Variants in CUX1 observed in about 807,000 individuals in gnomAD.
CUX1 encodes the protein cut like homeobox 1, also known as protein CASP.
CUX1 carries 31 observed loss-of-function variants against 158.8 expected under a neutral mutation model. The ratio of observed to expected loss-of-function variants is 0.20; its 90% CI spans 0.15 to 0.26. The LOEUF (loss-of-function observed/expected upper bound fraction) is 0.26, where lower values mean the gene tolerates loss of function less well. Among genes scored for constraint, CUX1 ranks in the 10% least tolerant of loss-of-function variants. The pLI is 1.00. For missense variants in CUX1, 1,589 were observed against 2,014.6 expected, an observed-to-expected ratio of 0.79 and a Z score of 4.04; for synonymous variants, 879 against 862.1, an observed-to-expected ratio of 1.02 and a Z score of -0.34.
At chr7:102,103,926 A>G (rs1322156592) in intron 5 of CUX1, among the ~76,000 whole-genome samples, 3 of 152,106 alleles carry the variant, frequency 2.0e-5, no homozygotes, top group African/African-American at 7.2e-5. Context: ...TGCACACACT[A>G]TTATGAACTA....
intron 10 of CUX1, among the ~76,000 whole-genome samples, chr7:102,171,162 A>T (rs1485232360): frequency 6.6e-6 from 1 of 152,108 alleles, no homozygotes; most frequent in African/African-American, 2.4e-5. Context: ...CTCTCTTTCA[A>T]TGCTGTATAG....
intron 3 of CUX1, among the ~76,000 whole-genome samples, chr7:102,058,019 C>G (rs1420660396): frequency 6.6e-6 from 1 of 152,086 alleles, no homozygotes. Flanking sequence ...TAACCACAAC[C>G]CTGATCAGTC....
At chr7:102,015,825 C>CT (rs1268409339) in intron 2 of CUX1, among the ~76,000 whole-genome samples, 1 of 151,582 alleles carries the variant, frequency 6.6e-6, no homozygotes, top group Non-Finnish European at 1.5e-5. Context: ...TTTTCTTTTT[C>CT]TTTTTTTGGA....
At chr7:102,045,662 T>C (rs1716305342) in intron 3 of CUX1, among the ~76,000 whole-genome samples, 1 of 152,286 alleles carries the variant, frequency 6.6e-6, no homozygotes, top group African/African-American at 2.4e-5. Flanking sequence ...GGAGGGCAAA[T>C]TGATTTCGGC....
chr7:102,119,030 G>A (rs1554492647), intron 8 of CUX1, among the ~76,000 whole-genome samples: 3 of 152,064 alleles, frequency 2.0e-5, no homozygotes, highest in South Asian at 4.2e-4. Flanking sequence ...GATTACAGGC[G>A]TGAGCCACTG....
At chr7:102,007,034 TC>T (rs1434205160) in intron 2 of CUX1, among the ~76,000 whole-genome samples, 1 of 152,218 alleles carries the variant, frequency 6.6e-6, no homozygotes, top group African/African-American at 2.4e-5. Flanking sequence ...GGATCTCTCA[TC>T]TTTGCTGCTG....
In CUX1 at chr7:102,257,455, G is replaced by T; in HGVS notation, c.*8413G>T. ...AATCCCGTGTATTCTGGAGATGTGA[G>T]AATTCACCCAAAATTCTTAAAACAT... On this transcript the variant is annotated 3_prime_UTR_variant, in exon 24 of 24. Coordinates refer to ENST00000292535, the MANE Select transcript of CUX1 (RefSeq NM_181552.4). The T allele has an allele frequency of 5.1e-6, 5 of 985,262 alleles. No homozygotes were observed. In the South Asian group the frequency reaches 2.3e-4, roughly 46 times the overall value. 61.0% of individuals were successfully genotyped at this position (985,262 alleles called of 1,614,324 possible).
At chr7:101,884,532 T>C (rs1800030477) in intron 1 of CUX1, among the ~76,000 whole-genome samples, 1 of 152,086 alleles carries the variant, frequency 6.6e-6, no homozygotes. Context: ...GTGAGGTGGG[T>C]GGGTGTTAAA....
chr7:102,107,522 CAA>C (rs1210474152), intron 6 of CUX1, among the ~76,000 whole-genome samples: 5 of 152,210 alleles, frequency 3.3e-5, no homozygotes, highest in African/African-American at 1.2e-4. Context: ...GCCTGGGCAA[CAA>C]GAGCAAAACT....
At position 101,926,755 on chromosome 7, in the gene CUX1, C is replaced by T. The variant is rs552860370; in HGVS notation, c.141+10530C>T. Among the ~76,000 whole-genome samples the T allele has an allele frequency of 2.0e-5, 3 of 152,240 alleles. No homozygotes were observed. In the South Asian group the frequency reaches 6.2e-4, roughly 32 times the overall value. On this transcript the variant is annotated intron_variant, in intron 2 of 23. Coordinates refer to ENST00000292535, the MANE Select transcript of CUX1 (RefSeq NM_181552.4). ...AAAAACTGTTCTAAGACTTGGTCCC[C>T]TTATGTATAAGCAGGAAGAATTGGT... is the stretch of plus-strand genomic sequence containing the variant.
At chr7:102,189,700 G>C in intron 11 of CUX1, 113 bp from the exon 12 acceptor site, 1 of 1,139,436 alleles carries the variant, frequency 8.8e-7, no homozygotes, top group Non-Finnish European at 1.3e-6. Flanking sequence ...CCATTCGCAA[G>C]GGCTGGCTTC....
intron 2 of CUX1, among the ~76,000 whole-genome samples, chr7:101,984,092 ATATATATATATATATATATAT>A (rs1813892767): frequency 1.0e-4 from 2 of 19,626 alleles, no homozygotes; most frequent in South Asian, 1.9e-3. Context: ...AAAAAAAAAT[ATATATATATATATATATATAT>A]ATATATATAT....
At position 102,201,787 on chromosome 7, in the gene CUX1, G is replaced by A. The variant is rs782483691; in HGVS notation, c.2490G>A (p.Pro830=). The A allele has an allele frequency of 2.5e-5, 41 of 1,612,622 alleles. No homozygotes were observed. The highest frequency in any genetic ancestry group is 1.8e-4 in the South Asian group (16 of 91,080). ...ACCACTGGTGGAGCGCGGTGCAGCC[G>A]GAGAGAAGAAATGCCGCCTCCTCCG... ...WKDHWWSAVQ[P]ERRNAASSEE... The change falls in exon 18 of 24, where the codon CCG becomes CCA. Residue 830 remains proline, a synonymous_variant. Transcript: ENST00000292535. The surrounding 1 kb of genome is among the most constrained non-coding windows in gnomAD (Gnocchi z 5.0).
At chr7:102,015,876 G>A (rs1056791723) in intron 2 of CUX1, among the ~76,000 whole-genome samples, 4 of 152,064 alleles carry the variant, frequency 2.6e-5, no homozygotes, top group Admixed American at 6.6e-5. Flanking sequence ...GTGTGGTGGC[G>A]CGATCACGAC....
Position 101,985,212 on chromosome 7 carries a change from G to A in CUX1, c.142-42886G>A, listed in dbSNP as rs370946278. Among the ~76,000 whole-genome samples, 12 of 152,258 alleles carry A rather than the reference G, an allele frequency of 7.9e-5. No individual in the cohort carries two copies. In the South Asian group the frequency reaches 1.0e-3, roughly 13 times the overall value. ...GTAACAAATTGCTATGTGTATACAC[G>A]CTATAGTCTTGGCTTTCAGATACTT... On this transcript the variant is annotated intron_variant, in intron 2 of 23. Transcript: ENST00000292535.
chr7:102,115,330 T>G, intron 8 of CUX1, 57 bp downstream of exon 8: 1 of 1,497,578 alleles, frequency 6.7e-7, no homozygotes, highest in South Asian at 1.2e-5. Flanking sequence ...TGATTTTGCT[T>G]GAGTAGGGCA....
At chr7:102,059,898 T>C (rs1309163798) in intron 3 of CUX1, among the ~76,000 whole-genome samples, 1 of 152,192 alleles carries the variant, frequency 6.6e-6, no homozygotes, top group African/African-American at 2.4e-5. Flanking sequence ...CCTGTGTTTA[T>C]TTCTAAATCA....
At chr7:101,891,251 C>T (rs1052023271) in intron 1 of CUX1, among the ~76,000 whole-genome samples, 1 of 152,094 alleles carries the variant, frequency 6.6e-6, no homozygotes, top group African/African-American at 2.4e-5. Flanking sequence ...CAGGGTCTTG[C>T]TCTTCTGCCC....
In CUX1 at chr7:102,053,377, C is replaced by T. The variant is rs1266681195; in HGVS notation, c.190-16962C>T. 4.6e-5 allele frequency among the ~76,000 whole-genome samples: 7 copies of T among 152,068 alleles called. No homozygotes were observed. In the East Asian group the frequency reaches 5.8e-4, roughly 13 times the overall value. ...GAGATGTTTTGATACAGGCATGCTA[C>T]GTGTAATAATCTCATATGGAAATGG... On this transcript the variant is annotated intron_variant, in intron 3 of 23. Coordinates refer to ENST00000292535, the MANE Select transcript of CUX1 (RefSeq NM_181552.4).
Sources: allele counts gnomAD v4.1 joint callset (sites outside exome capture counted in the v4.1 genomes callset), GRCh38; gene constraint gnomAD v4.1.1; non-coding constraint Gnocchi (gnomAD v3.1); transcripts MANE v1.5; gene names NCBI Gene and HGNC (gene_info 2026-07-23, HGNC 2026-07-21).